Variants in USP40 observed in about 807,000 individuals in gnomAD.
The protein encoded by USP40 is ubiquitin carboxyl-terminal hydrolase 40.
A neutral mutation model predicts 166.2 loss-of-function variants in USP40; 143 were observed. That is an observed-to-expected ratio of 0.86 (90% CI 0.75 to 0.99). The LOEUF is 0.99. Among genes scored for constraint, USP40 ranks in the 50% least tolerant of loss-of-function variants. The pLI, the probability that USP40 is intolerant of heterozygous loss-of-function variation, is 0.00. For synonymous variants in USP40, 498 were observed against 524.0 expected, an observed-to-expected ratio of 0.95 and a Z score of 0.68; for missense variants, 1,444 against 1,479.7, an observed-to-expected ratio of 0.98 and a Z score of 0.40.
At chr2:233,530,455 T>A (rs944610053) in intron 11 of USP40, among the ~76,000 whole-genome samples, 1 of 152,206 alleles carries the variant, frequency 6.6e-6, no homozygotes, top group Non-Finnish European at 1.5e-5. Context: ...TCTTTGAGCA[T>A]CAACATTCAT....
In USP40 at chr2:233,565,355, C is replaced by A; in HGVS notation, c.199+1G>T. Reference sequence around the variant, plus strand: ...AGTTAAATGTACGTAACATAGCATACCTCTGAATTCAGGTGTGAAATGAAG... The same window carrying A: ...AGTTAAATGTACGTAACATAGCATAACTCTGAATTCAGGTGTGAAATGAAG... On this transcript the variant is annotated splice_donor_variant, in intron 2 of 31. Transcript: ENST00000678225. LOFTEE classifies it high-confidence loss of function. The A allele has an allele frequency of 1.3e-6, 2 of 1,534,100 alleles. No individual in the cohort carries two copies. Among genetic ancestry groups the A allele is most frequent in the Non-Finnish European group, 1.7e-6 (2 of 1,144,188 alleles).
At position 233,493,388 on chromosome 2, in the gene USP40, T is replaced by A. The variant is rs1408506379; in HGVS notation, c.2917+37A>T. 1 of 1,613,932 alleles carries A rather than the reference T, an allele frequency of 6.2e-7. No homozygotes were observed. The highest frequency in any genetic ancestry group is 8.5e-7 in the Non-Finnish European group (1 of 1,179,868). On this transcript the variant is annotated intron_variant, in intron 25 of 31. Transcript: ENST00000678225. The surrounding 1 kb of genome is among the most constrained non-coding windows in gnomAD (Gnocchi z 4.7). ...CAGGCAGTCAATTTACTTCTCTTTATGATGCACTGGCTGCTGAAATCCCAT... is the reference window on the plus strand; with the variant it reads ...CAGGCAGTCAATTTACTTCTCTTTAAGATGCACTGGCTGCTGAAATCCCAT...
chr2:233,553,973 A>T (rs4663699), intron 6 of USP40, among the ~76,000 whole-genome samples: 89,981 of 152,064 alleles, frequency 0.59, 28,545 homozygotes, highest in East Asian at 0.83. Context: ...TGCCAGAGTG[A>T]GGAAGAACAT....
At chr2:233,559,502 C>A (rs6720619) in intron 4 of USP40, among the ~76,000 whole-genome samples, 117,674 of 152,112 alleles carry the variant, frequency 0.77, 45,789 homozygotes, top group East Asian at 0.96. Flanking sequence ...TCCATGTAAT[C>A]GGTGTTGTAT....
At chr2:233,514,908 C>A (rs945707872) in intron 18 of USP40, among the ~76,000 whole-genome samples, 2 of 152,208 alleles carry the variant, frequency 1.3e-5, no homozygotes, top group South Asian at 4.1e-4. Context: ...CAATTTGCAG[C>A]CAATCCCTCT....
rs750710786 is a variant in USP40, at chr2:233,486,007, C to CCAAA, written c.3198-34_3198-31dup. 9.1e-6 allele frequency: 14 copies of CCAAA among 1,540,554 alleles called. No individual in the cohort carries two copies. Among genetic ancestry groups the CCAAA allele is most frequent in the Admixed American group, 4.3e-5 (2 of 46,392 alleles). Reference sequence around the variant, plus strand: ...ACCAGAAAACCGTCAAGCGCCAGATCCAAACAAACAAACAAAACCACGTGG... The same window carrying CCAAA: ...ACCAGAAAACCGTCAAGCGCCAGATCCAAACAAACAAACAAACAAAACCACGTGG... On this transcript the variant is annotated intron_variant, in intron 28 of 31. Transcript: ENST00000678225. This position sits in a 1 kb window ranked among gnomAD's most constrained non-coding sequence, Gnocchi z 4.0.
At chr2:233,558,612 G>C (rs2071306080) in intron 4 of USP40, among the ~76,000 whole-genome samples, 1 of 152,142 alleles carries the variant, frequency 6.6e-6, no homozygotes, top group Non-Finnish European at 1.5e-5. Context: ...GAGTTGAGGG[G>C]GATGGAAAGT....
intron 11 of USP40, 145 bp downstream of exon 11, chr2:233,533,334 T>C (rs1221825943): frequency 2.6e-6 from 2 of 777,238 alleles, no homozygotes; most frequent in East Asian, 5.4e-5. Context: ...TCATTTGGCA[T>C]AATATAGTTC....
At position 233,533,401 on chromosome 2, in the gene USP40, T is replaced by C. The variant is rs1025814095; in HGVS notation, c.1471+78A>G. 167 of 1,435,634 alleles carry C rather than the reference T, an allele frequency of 1.2e-4. 1 individual carries two copies. The South Asian group carries it at 1.3e-3, about 11-fold the overall frequency. 88.9% of individuals were successfully genotyped at this position (1,435,634 alleles called of 1,614,324 possible). A position where few individuals can be genotyped will look rare whatever the true frequency, so the allele number is the denominator to read the frequency against. On this transcript the variant is annotated intron_variant, in intron 11 of 31. Coordinates refer to ENST00000678225, the MANE Select transcript of USP40 (RefSeq NM_001365479.2). Reference sequence around the variant, plus strand: ...AAGAGTAAACCTTTTTTTAAAAGAATAAAAATTCAAACAGCATTCCATGTT... The same window carrying C: ...AAGAGTAAACCTTTTTTTAAAAGAACAAAAATTCAAACAGCATTCCATGTT...
At chr2:233,488,099 A>G in intron 28 of USP40, 140 bp downstream of exon 28, 1 of 755,908 alleles carries the variant, frequency 1.3e-6, no homozygotes, top group South Asian at 1.5e-5. Context: ...ACATATTTCT[A>G]GCACACACTC....
rs1392678245 is a variant in USP40 at position 233,494,972 on chromosome 2, A to T, written c.2791-1421T>A. Among the ~76,000 whole-genome samples, 6 of 79,274 alleles carry T rather than the reference A, an allele frequency of 7.6e-5. No individual in the cohort carries two copies. In the South Asian group the frequency reaches 1.7e-3, roughly 22 times the overall value. 52.0% of individuals were successfully genotyped at this position (79,274 alleles called of 152,430 possible). A position where few individuals can be genotyped will look rare whatever the true frequency, so the allele number is the denominator to read the frequency against. Reference sequence around the variant, plus strand: ...TATATATATTTATATATATATATATATATATATACACACACATAAAAAATA... The same window carrying T: ...TATATATATTTATATATATATATATTTATATATACACACACATAAAAAATA... On this transcript the variant is annotated intron_variant, in intron 24 of 31. Coordinates refer to ENST00000678225, the MANE Select transcript of USP40 (RefSeq NM_001365479.2).
intron 28 of USP40, chr2:233,487,829 A>G (rs1575219303): frequency 5.0e-6 from 2 of 403,460 alleles, no homozygotes; most frequent in Admixed American, 6.4e-5. Context: ...ATACTAACAA[A>G]TAAATCAGTA....
At chr2:233,511,826 G>C (rs973147087) in intron 19 of USP40, 29 bp from the exon 20 acceptor site, 2 of 1,509,892 alleles carry the variant, frequency 1.3e-6, no homozygotes, top group Non-Finnish European at 1.8e-6. Context: ...ATATGATGAA[G>C]GTTATTAATT....
At chr2:233,489,662 C>T (rs899564006) in intron 26 of USP40, 179 bp from the exon 27 acceptor site, 4 of 586,852 alleles carry the variant, frequency 6.8e-6, no homozygotes, top group East Asian at 3.0e-5. Flanking sequence ...TAACACTAAC[C>T]CTGAGCGGTC....
chr2:233,493,895 C>T lies in USP40; in HGVS notation c.2791-344G>A, dbSNP rs1373371139. ...GCACTGCTGGCCCAGGATACCAGTC[C>T]CAGCAGTGCAGTTTATCACACAGAT... On this transcript the variant is annotated intron_variant, in intron 24 of 31. Transcript: ENST00000678225. This position sits in a 1 kb window ranked among gnomAD's most constrained non-coding sequence, Gnocchi z 4.7. Among the ~76,000 whole-genome samples the T allele has an allele frequency of 6.6e-6, 1 of 152,116 alleles. No homozygotes were observed. Among genetic ancestry groups the T allele is most frequent in the Non-Finnish European group, 1.5e-5 (1 of 68,030 alleles).
At chr2:233,482,974 C>A (rs1401936563) in intron 30 of USP40, among the ~76,000 whole-genome samples, 1 of 152,218 alleles carries the variant, frequency 6.6e-6, no homozygotes, top group South Asian at 2.1e-4. Context: ...CCAGTGATAA[C>A]CTTGGCCCAC....
At chr2:233,524,231 G>A (rs2067857990) in intron 15 of USP40, among the ~76,000 whole-genome samples, 1 of 152,116 alleles carries the variant, frequency 6.6e-6, no homozygotes, top group Non-Finnish European at 1.5e-5. Flanking sequence ...CCGGGTTCAA[G>A]CGATTCGCCT....
At position 233,499,868 on chromosome 2, in the gene USP40, A is replaced by T. The variant is rs1446449053; in HGVS notation, c.2650+11T>A. On this transcript the variant is annotated intron_variant, in intron 22 of 31. Transcript: ENST00000678225. Reference sequence around the variant, plus strand: ...CTTTTAAGTAATATGTCATCATGGTAAGTAACTTACCTTGTAGGCCAGATT... The same window carrying T: ...CTTTTAAGTAATATGTCATCATGGTTAGTAACTTACCTTGTAGGCCAGATT... The T allele has an allele frequency of 6.2e-7, 1 of 1,610,448 alleles. No individual in the cohort carries two copies. Among genetic ancestry groups the T allele is most frequent in the Admixed American group, 1.7e-5 (1 of 59,586 alleles).
rs765235133 is a variant in USP40 at position 233,559,964 on chromosome 2, A to T, written c.268-40T>A. The T allele has an allele frequency of 5.4e-6, 8 of 1,475,820 alleles. No homozygotes were observed. The East Asian group carries it at 1.7e-4, about 32-fold the overall frequency. The allele number at this position is 1,475,820 out of a possible 1,614,324, so 91.4% of individuals were successfully genotyped here. A position where few individuals can be genotyped will look rare whatever the true frequency, so the allele number is the denominator to read the frequency against. On this transcript the variant is annotated intron_variant, in intron 3 of 31. Coordinates refer to ENST00000678225, the MANE Select transcript of USP40 (RefSeq NM_001365479.2). ...AACACATTTCTAAATGAATTCTTTA[A>T]GTGTTGACTAAGGCTTTTGAAAACA...
Sources: gnomAD v4.1 joint callset for allele counts (sites outside exome capture counted in the v4.1 genomes callset) on GRCh38, gnomAD v4.1.1 for gene constraint, Gnocchi (gnomAD v3.1) non-coding constraint, MANE v1.5 for transcripts, NCBI Gene and HGNC (gene_info 2026-07-23, HGNC 2026-07-21) for gene names.